Variants in FHIP1A observed in about 807,000 individuals in gnomAD.
FHIP1A encodes FHF complex subunit HOOK-interacting protein 1A.
FHIP1A carries 61 observed loss-of-function variants against 88.6 expected under a neutral mutation model. The observed-to-expected ratio is 0.69, with a 90% confidence interval of 0.56 to 0.85. FHIP1A has a LOEUF of 0.85. Ranked by LOEUF, FHIP1A falls within the 40% of genes least tolerant of loss-of-function variation. FHIP1A has a pLI of 0.00. For missense variants in FHIP1A, 1,154 were observed against 1,273.5 expected, an observed-to-expected ratio of 0.91 and a Z score of 1.43; for synonymous variants, 478 against 496.0, an observed-to-expected ratio of 0.96 and a Z score of 0.48.
Position 151,566,297 on chromosome 4 carries a change from AG to A in FHIP1A, c.40del (p.Ala14LeufsTer2), listed in dbSNP as rs1236553828. The stretch of plus-strand genomic sequence containing the variant: ...GTTTCGACAGAAAGCAAACTCCAGC[AG>A]GCTGTGAGCCTACAGGGAGTTGACC... ...SSVSTESKLQQAVSLQGVDPE... is the reference protein window; with the variant it reads ...SSVSTESKLQXAVSLQGVDPE... On this transcript the variant is annotated frameshift_variant, in exon 4 of 14. Transcript: ENST00000435205. LOFTEE classifies it high-confidence loss of function. The A allele has an allele frequency of 3.9e-6, 6 of 1,550,762 alleles. No individual in the cohort carries two copies. Among genetic ancestry groups the A allele is most frequent in the Non-Finnish European group, 5.2e-6 (6 of 1,146,346 alleles).
chr4:151,499,272 T>C (rs1164673300), intron 3 of FHIP1A, among the ~76,000 whole-genome samples: 1 of 152,158 alleles, frequency 6.6e-6, no homozygotes, highest in East Asian at 1.9e-4. Flanking sequence ...TTCCTAAAAA[T>C]TGGAGCTCTG....
At chr4:151,424,326 G>C (rs892466169) in intron 1 of FHIP1A, among the ~76,000 whole-genome samples, 1 of 152,184 alleles carries the variant, frequency 6.6e-6, no homozygotes, top group Non-Finnish European at 1.5e-5. Flanking sequence ...TTTTAAAAAG[G>C]ATTCTACCAT....
chr4:151,466,555 G>A (rs1339355969), intron 2 of FHIP1A, among the ~76,000 whole-genome samples: 1 of 152,046 alleles, frequency 6.6e-6, no homozygotes, highest in East Asian at 1.9e-4. Context: ...GAAACTGGAG[G>A]CATCACACTA....
intron 2 of FHIP1A, among the ~76,000 whole-genome samples, chr4:151,456,947 G>C (rs1728987818): frequency 6.6e-6 from 1 of 151,730 alleles, no homozygotes. Context: ...TTATTTTACA[G>C]TATTATTGTG....
chr4:151,419,283 A>G (rs1322255817), intron 1 of FHIP1A, among the ~76,000 whole-genome samples: 1 of 152,174 alleles, frequency 6.6e-6, no homozygotes, highest in African/African-American at 2.4e-5. Flanking sequence ...ACTGTTTTCA[A>G]CCTGGGACAT....
At chr4:151,526,173 G>C (rs370958874) in intron 3 of FHIP1A, among the ~76,000 whole-genome samples, 1 of 152,142 alleles carries the variant, frequency 6.6e-6, no homozygotes, top group African/African-American at 2.4e-5. Flanking sequence ...ACACAGACAC[G>C]GCAACCATCC....
chr4:151,669,626 C>CTT lies in FHIP1A; in HGVS notation c.*6873_*6874dup, dbSNP rs2126946455. 6.6e-6 allele frequency among the ~76,000 whole-genome samples: 1 copy of CTT among 152,272 alleles called. No homozygotes were observed. Among genetic ancestry groups the CTT allele is most frequent in the South Asian group, 2.1e-4 (1 of 4,822 alleles). On this transcript the variant is annotated 3_prime_UTR_variant, in exon 14 of 14. Transcript: ENST00000435205. ...GACTTGCAGAGTGAGGAGAGAACTG[C>CTT]TTCAGCCTTACTGTCTTGTAGAGAG...
chr4:151,578,528 A>T (rs1048308249), intron 5 of FHIP1A, among the ~76,000 whole-genome samples: 1 of 152,112 alleles, frequency 6.6e-6, no homozygotes, highest in South Asian at 2.1e-4. Context: ...TTTTGTTGTC[A>T]TAGGAACATG....
chr4:151,513,106 G>A (rs561163664), intron 3 of FHIP1A, among the ~76,000 whole-genome samples: 200 of 152,200 alleles, frequency 1.3e-3, no homozygotes, highest in African/African-American at 4.4e-3. Context: ...CGGATCTCTC[G>A]GCAGAAACTC....
chr4:151,429,475 A>G (rs932859733), intron 1 of FHIP1A, among the ~76,000 whole-genome samples: 6 of 152,214 alleles, frequency 3.9e-5, no homozygotes, highest in African/African-American at 1.4e-4. Context: ...CTGTTGTTAG[A>G]AAGGAATTTT....
chr4:151,412,315 A>T (rs1043387323), intron 1 of FHIP1A, among the ~76,000 whole-genome samples: 1 of 152,150 alleles, frequency 6.6e-6, no homozygotes, highest in Non-Finnish European at 1.5e-5. Flanking sequence ...CATGTTGGCC[A>T]GGGTGGTCTC....
chr4:151,445,684 G>C (rs887348128), intron 1 of FHIP1A, among the ~76,000 whole-genome samples: 3 of 151,270 alleles, frequency 2.0e-5, no homozygotes, highest in African/African-American at 7.3e-5. Context: ...GGGGACAAAG[G>C]CTAAATATAT....
chr4:151,429,464 G>A (rs573544472), intron 1 of FHIP1A, among the ~76,000 whole-genome samples: 1 of 152,304 alleles, frequency 6.6e-6, no homozygotes, highest in African/African-American at 2.4e-5. Context: ...TTTCATAGCT[G>A]CTGTTGTTAG....
chr4:151,488,623 G>A lies in FHIP1A; in HGVS notation c.-123+5975G>A, dbSNP rs184067508. On this transcript the variant is annotated intron_variant, in intron 3 of 13. Coordinates refer to ENST00000435205, the MANE Select transcript of FHIP1A (RefSeq NM_001109977.3). ...GCGTGTGAGTGCATGTGTCTTTTTGGCAGAACAACTTATTTTCCTTTGGGT... is the reference window on the plus strand; with the variant it reads ...GCGTGTGAGTGCATGTGTCTTTTTGACAGAACAACTTATTTTCCTTTGGGT... 2.0e-3 allele frequency among the ~76,000 whole-genome samples: 308 copies of A among 152,230 alleles called. 1 individual carries two copies. The highest frequency in any genetic ancestry group is 7.4e-3 in the African/African-American group (306 of 41,534).
At chr4:151,502,632 C>G (rs1173535064) in intron 3 of FHIP1A, among the ~76,000 whole-genome samples, 3 of 152,088 alleles carry the variant, frequency 2.0e-5, no homozygotes, top group Non-Finnish European at 4.4e-5. Context: ...GGGATACCAT[C>G]AAACCTAAAA....
At chr4:151,626,246 C>T (rs1177983412) in intron 7 of FHIP1A, among the ~76,000 whole-genome samples, 4 of 152,148 alleles carry the variant, frequency 2.6e-5, no homozygotes, top group African/African-American at 9.7e-5. Context: ...AAACTGAATT[C>T]ACTACCCACT....
intron 7 of FHIP1A, among the ~76,000 whole-genome samples, chr4:151,620,891 C>A (rs1299260895): frequency 3.0e-4 from 44 of 147,498 alleles, no homozygotes; most frequent in Middle Eastern, 3.5e-3. Context: ...AAAAAAAAAA[C>A]CCCACACAAA....
At chr4:151,454,982 G>A (rs1032201648) in intron 2 of FHIP1A, among the ~76,000 whole-genome samples, 174 bp downstream of exon 2, 9 of 152,012 alleles carry the variant, frequency 5.9e-5, no homozygotes, top group Middle Eastern at 3.2e-3. Context: ...ACTGTGGTTT[G>A]GAACAGAGAT....
chr4:151,526,449 C>T, intron 3 of FHIP1A, among the ~76,000 whole-genome samples: 1 of 148,270 alleles, frequency 6.7e-6, no homozygotes, highest in South Asian at 2.1e-4. Flanking sequence ...GACCCCCCCA[C>T]CTCCCTCCCG....
Sources: allele counts gnomAD v4.1 joint callset (sites outside exome capture counted in the v4.1 genomes callset), GRCh38; gene constraint gnomAD v4.1.1; transcripts MANE v1.5; gene names NCBI Gene and HGNC (gene_info 2026-07-23, HGNC 2026-07-21).